The following ATP13A3 variants were observed in gnomAD, a reference collection of about 807,000 sequenced individuals.
ATP13A3 encodes the protein ATPase 13A3, also known as polyamine-transporting ATPase 13A3.
Under a neutral mutation model 158.1 loss-of-function variants are expected in ATP13A3, and 59 were observed. The observed-to-expected ratio is 0.37, with a 90% CI of 0.30 to 0.46. The LOEUF (loss-of-function observed/expected upper bound fraction) is 0.46. Ranked by LOEUF, ATP13A3 falls within the 20% of genes least tolerant of loss-of-function variation. ATP13A3 has a pLI of 1.00. For synonymous variants in ATP13A3, 491 were observed against 504.3 expected, an observed-to-expected ratio of 0.97 and a Z score of 0.35; for missense variants, 1,166 against 1,525.2, an observed-to-expected ratio of 0.76 and a Z score of 3.92.
At chr3:194,484,870 A>G (rs1384057996) in intron 2 of ATP13A3, among the ~76,000 whole-genome samples, 3 of 152,146 alleles carry the variant, frequency 2.0e-5, no homozygotes, top group African/African-American at 4.8e-5. Flanking sequence ...AGCCTGGCCA[A>G]CGTGGTGAAA....
At chr3:194,450,043 T>C in intron 11 of ATP13A3, 102 bp downstream of exon 11, 2 of 1,230,894 alleles carry the variant, frequency 1.6e-6, no homozygotes, top group Non-Finnish European at 2.3e-6. Context: ...TATTCATGAG[T>C]AAAGGTACAA....
chr3:194,486,983 G>A lies in ATP13A3; in HGVS notation c.-506C>T, dbSNP rs1403909560. On this transcript the variant is annotated 5_prime_UTR_variant, in exon 1 of 34. Coordinates refer to ENST00000645319, the MANE Select transcript of ATP13A3 (RefSeq NM_001367549.1). ...GGAGAGCCGGCAGGCAGGCGGGGGA[G>A]CGCGCGCGGGCTCAGGACTCCCGCG... 1.3e-4 allele frequency: 20 copies of A among 152,020 alleles called. No homozygotes were observed. The East Asian group carries it at 3.7e-3, about 28-fold the overall frequency. The allele number at this position is 152,020 out of a possible 1,614,324, so 9.4% of individuals were successfully genotyped here.
At chr3:194,442,040 G>A (rs112436418) in intron 15 of ATP13A3, among the ~76,000 whole-genome samples, 15 of 152,134 alleles carry the variant, frequency 9.9e-5, no homozygotes, top group African/African-American at 3.6e-4. Flanking sequence ...CATTATAGAT[G>A]AGAAAACTGA....
In ATP13A3 at chr3:194,486,808, G is replaced by A. The variant is rs1199117753; in HGVS notation, c.-331C>T. The A allele has an allele frequency of 6.6e-6, 1 of 151,682 alleles. No homozygotes were observed. The highest frequency in any genetic ancestry group is 1.5e-5 in the Non-Finnish European group (1 of 67,960). 9.4% of individuals were successfully genotyped at this position (151,682 alleles called of 1,614,324 possible). A position where few individuals can be genotyped will look rare whatever the true frequency, so the allele number is the denominator to read the frequency against. On this transcript the variant is annotated 5_prime_UTR_variant, in exon 1 of 34. Transcript: ENST00000645319. ...TCTCCTCCTCCTCCGCGCCCGCGGC[G>A]GCGGCGTGCAGCCGGCAGGGCGAGA...
intron 29 of ATP13A3, among the ~76,000 whole-genome samples, chr3:194,426,753 C>G (rs1716804662): frequency 6.6e-6 from 1 of 152,154 alleles, no homozygotes; most frequent in South Asian, 2.1e-4. Flanking sequence ...CTCTGCCTCC[C>G]AGGTTCAAGT....
At chr3:194,453,634 T>C in intron 10 of ATP13A3, 72 bp downstream of exon 10, 1 of 1,156,706 alleles carries the variant, frequency 8.6e-7, no homozygotes, top group Non-Finnish European at 1.3e-6. Flanking sequence ...GTATTATACT[T>C]TGGGCTTACT....
chr3:194,404,159 AT>A lies in ATP13A3; in HGVS notation c.*1759del, dbSNP rs1173095249. 2 of 447,718 alleles carry A rather than the reference AT, an allele frequency of 4.5e-6. No homozygotes were observed. The highest frequency in any genetic ancestry group is 8.9e-6 in the Non-Finnish European group (2 of 224,916). 27.7% of individuals were successfully genotyped at this position (447,718 alleles called of 1,614,324 possible). ...TAAGTAACTATAGAAAATAGTGCTA[AT>A]TCACAGCTCAAGAGGTCTAAGATGC... is the stretch of plus-strand genomic sequence containing the variant. On this transcript the variant is annotated 3_prime_UTR_variant, in exon 34 of 34. Coordinates refer to ENST00000645319, the MANE Select transcript of ATP13A3 (RefSeq NM_001367549.1).
At chr3:194,474,832 G>A (rs978635520) in intron 2 of ATP13A3, among the ~76,000 whole-genome samples, 1 of 152,188 alleles carries the variant, frequency 6.6e-6, no homozygotes, top group Non-Finnish European at 1.5e-5. Context: ...AGTGGCTGCT[G>A]TGATGCGGTG....
chr3:194,436,652 G>T lies in ATP13A3; in HGVS notation c.2120+443C>A, dbSNP rs141913311. Among the ~76,000 whole-genome samples, 1,086 of 152,334 alleles carry T rather than the reference G, an allele frequency of 7.1e-3. 2 individuals carry two copies. Among genetic ancestry groups the T allele is most frequent in the Middle Eastern group, 0.031 (9 of 294 alleles). ...TGATCACTTAAGGCCAGGAGCTCGA[G>T]GCCAGCCTGGCCAACATGGCAAAAA... On this transcript the variant is annotated intron_variant, in intron 20 of 33. Transcript: ENST00000645319.
intron 2 of ATP13A3, among the ~76,000 whole-genome samples, chr3:194,463,684 C>A (rs1435151435): frequency 6.6e-6 from 1 of 152,152 alleles, no homozygotes; most frequent in Non-Finnish European, 1.5e-5. Context: ...ACGCTAGGCA[C>A]TCAAAAATGC....
At position 194,431,225 on chromosome 3, in the gene ATP13A3, G is replaced by A; in HGVS notation, c.2423C>T (p.Ala808Val). ...CSHPSAIDPE[A>V]IPVKLVHDSL... ...ATCATGGACCAATTTAACCGGAATAGCCTGTGTATATGAGACATTGGGAAC... is the reference window on the plus strand; with the variant it reads ...ATCATGGACCAATTTAACCGGAATAACCTGTGTATATGAGACATTGGGAAC... The change falls in exon 23 of 34, where the codon GCT becomes GTT. Residue 808 changes from alanine (A) to valine (V), a missense_variant and splice_region_variant. Coordinates refer to ENST00000645319, the MANE Select transcript of ATP13A3 (RefSeq NM_001367549.1). 13 of 1,609,380 alleles carry A rather than the reference G, an allele frequency of 8.1e-6. No individual in the cohort carries two copies. Among genetic ancestry groups the A allele is most frequent in the Non-Finnish European group, 1.1e-5 (13 of 1,176,378 alleles).
intron 4 of ATP13A3, among the ~76,000 whole-genome samples, chr3:194,460,394 G>T (rs537230002): frequency 1.3e-5 from 2 of 152,260 alleles, no homozygotes; most frequent in South Asian, 4.2e-4. Flanking sequence ...GACCAGCACC[G>T]TAACAGACAA....
chr3:194,457,250 GC>G, intron 6 of ATP13A3, 76 bp from the exon 7 acceptor site: 1 of 1,092,608 alleles, frequency 9.2e-7, no homozygotes, highest in Admixed American at 1.9e-5. Context: ...TTTTCTATAT[GC>G]CTGATTTTAT....
chr3:194,470,710 A>G (rs1205634602), intron 2 of ATP13A3, among the ~76,000 whole-genome samples: 1 of 152,234 alleles, frequency 6.6e-6, no homozygotes, highest in Non-Finnish European at 1.5e-5. Context: ...TAAAACTTTC[A>G]TACTTTCCCC....
intron 33 of ATP13A3, among the ~76,000 whole-genome samples, chr3:194,406,451 TTTAGA>T (rs1269478526): frequency 1.3e-5 from 2 of 152,226 alleles, no homozygotes; most frequent in Non-Finnish European, 2.9e-5. Context: ...CTGATTATTC[TTTAGA>T]TTATATTTTT....
rs1193188678 is a variant in ATP13A3 at position 194,430,274 on chromosome 3, C to T, written c.2666G>A (p.Gly889Asp). 1.2e-6 allele frequency: 2 copies of T among 1,613,790 alleles called. No homozygotes were observed. Among genetic ancestry groups the T allele is most frequent in the South Asian group, 1.1e-5 (1 of 91,058 alleles). ...GMCGDGANDC[G>D]ALKRAHGGIS... is the part of the protein sequence containing the mutation. ...CTAAATCACAAAAACTATACTTACACCACAATCATTTGCGCCATCACCACA... is the reference window on the plus strand; with the variant it reads ...CTAAATCACAAAAACTATACTTACATCACAATCATTTGCGCCATCACCACA... The change falls in exon 25 of 34, where the codon GGT becomes GAT. Residue 889 changes from glycine to aspartate, a missense_variant and splice_region_variant. Physicochemically the swap from Gly to Asp is moderately conservative, Grantham distance 94. Coordinates refer to ENST00000645319, the MANE Select transcript of ATP13A3 (RefSeq NM_001367549.1).
intron 30 of ATP13A3, among the ~76,000 whole-genome samples, chr3:194,421,349 C>T (rs1030291574): frequency 4.7e-5 from 7 of 147,460 alleles, no homozygotes; most frequent in East Asian, 4.0e-4. Flanking sequence ...GTCAGGATAA[C>T]GAGACCATCC....
chr3:194,454,143 C>T lies in ATP13A3; in HGVS notation c.765+115G>A, dbSNP rs952411380. ...GGAGAAGGAGCATATATTCATGCAA[C>T]TAAAATAATGACTGCATTGAGAATT... is the stretch of plus-strand genomic sequence containing the variant. On this transcript the variant is annotated intron_variant, in intron 9 of 33. Coordinates refer to ENST00000645319, the MANE Select transcript of ATP13A3 (RefSeq NM_001367549.1). The T allele has an allele frequency of 1.2e-5, 13 of 1,104,142 alleles. No individual in the cohort carries two copies. In the Admixed American group the frequency reaches 1.9e-4, roughly 16 times the overall value. The allele number at this position is 1,104,142 out of a possible 1,614,324, so 68.4% of individuals were successfully genotyped here. A position where few individuals can be genotyped will look rare whatever the true frequency, so the allele number is the denominator to read the frequency against.
rs759285507 is a variant in ATP13A3, at chr3:194,437,359, T to C, written c.1951A>G (p.Met651Val). ...VLGDRKMDAY[M>V]KGAPEAIAGL... ...GCAATGGCCTCGGGCGCTCCTTTCATGTAGGCGTCCATTTTCCTATCCCCC... is the reference window on the plus strand; with the variant it reads ...GCAATGGCCTCGGGCGCTCCTTTCACGTAGGCGTCCATTTTCCTATCCCCC... The change falls in exon 19 of 34, where the codon ATG (methionine) becomes GTG (valine). Residue 651 changes from methionine (M) to valine (V), a missense_variant. This residue lies in a region of ATP13A3 where 997 missense variants were observed against 1,341.2 expected (regional missense o/e 0.74). Transcript: ENST00000645319. The C allele has an allele frequency of 8.7e-6, 14 of 1,614,106 alleles. No individual in the cohort carries two copies. Among genetic ancestry groups the C allele is most frequent in the African/African-American group, 4.0e-5 (3 of 74,942 alleles).
Sources: allele counts gnomAD v4.1 joint callset (sites outside exome capture counted in the v4.1 genomes callset), GRCh38; gene constraint gnomAD v4.1.1; regional missense constraint gnomAD v4.1.1; transcripts MANE v1.5; gene names NCBI Gene and HGNC (gene_info 2026-07-23, HGNC 2026-07-21).